OPRM1: variants seen among roughly 807,000 people sequenced by gnomAD.
The protein encoded by OPRM1 is mu-type opioid receptor.
A neutral mutation model predicts 31.8 loss-of-function variants in OPRM1; 27 were observed. The ratio of observed to expected loss-of-function variants is 0.85; its 90% CI spans 0.63 to 1.17. OPRM1 has a LOEUF of 1.17. OPRM1 is among the 50% of genes most tolerant of loss of function. The pLI is 0.00. For missense variants in OPRM1, 536 were observed against 511.1 expected (o/e 1.05, Z -0.47); for synonymous variants, 196 against 189.9 (o/e 1.03, Z -0.26).
intron 1 of OPRM1, among the ~76,000 whole-genome samples, chr6:154,085,282 C>T (rs1790259823): frequency 6.6e-6 from 1 of 152,140 alleles, no homozygotes; most frequent in African/African-American, 2.4e-5. Flanking sequence ...AGGTGAGCTG[C>T]CAGCAAATGG....
chr6:154,073,502 C>A (rs1787229123), intron 1 of OPRM1: 1 of 152,188 alleles, frequency 6.6e-6, no homozygotes, highest in Admixed American at 6.5e-5. Flanking sequence ...CTAATTCTAA[C>A]CTTTATCCCC....
chr6:154,189,326 A>G (rs1222359965), intron 3 of OPRM1, among the ~76,000 whole-genome samples: 1 of 152,220 alleles, frequency 6.6e-6, no homozygotes, highest in African/African-American at 2.4e-5. Flanking sequence ...AAGCAATTTC[A>G]TCTAGTAAAG....
intron 1 of OPRM1, chr6:154,087,508 C>T: frequency 1.0e-6 from 1 of 985,472 alleles, no homozygotes; most frequent in Non-Finnish European, 1.2e-6. Flanking sequence ...CTCTCAAATC[C>T]ACATCCTCCG....
intron 3 of OPRM1, among the ~76,000 whole-genome samples, chr6:154,195,498 T>C (rs113281413): frequency 0.013 from 2,008 of 152,204 alleles, 36 homozygotes; most frequent in African/African-American, 0.044. Flanking sequence ...TGATGAGAAA[T>C]GGTCATCCAT....
chr6:154,162,727 C>A (rs1050261422), intron 3 of OPRM1, among the ~76,000 whole-genome samples: 2 of 152,094 alleles, frequency 1.3e-5, no homozygotes, highest in Non-Finnish European at 2.9e-5. Flanking sequence ...TGTTGGTAAT[C>A]ACAAGAAATC....
chr6:154,017,133 CCT>C (rs1380634466), intron 1 of OPRM1, among the ~76,000 whole-genome samples: 1 of 152,072 alleles, frequency 6.6e-6, no homozygotes, highest in African/African-American at 2.4e-5. Flanking sequence ...CTCCTCTCTC[CCT>C]CTCTCTTCCT....
intron 1 of OPRM1, among the ~76,000 whole-genome samples, chr6:154,075,921 G>A (rs1022005066): frequency 1.3e-5 from 2 of 152,124 alleles, no homozygotes; most frequent in Admixed American, 1.3e-4. Context: ...AAATGGGGAT[G>A]ATGAAATGCC....
chr6:154,041,631 A>T (rs894701182), intron 1 of OPRM1, among the ~76,000 whole-genome samples: 6 of 147,056 alleles, frequency 4.1e-5, no homozygotes, highest in African/African-American at 1.2e-4. Context: ...TAGCTAACAT[A>T]TTTTTTTTTT....
At chr6:154,088,166 T>G (rs1393380317) in intron 1 of OPRM1, among the ~76,000 whole-genome samples, 1 of 151,430 alleles carries the variant, frequency 6.6e-6, no homozygotes, top group Non-Finnish European at 1.5e-5. Flanking sequence ...TGCAACCACA[T>G]AGATGAATCT....
In OPRM1 at chr6:154,168,053, G is replaced by A; in HGVS notation, c.1164+76581G>A. ...TCGGTCCCCAAGAGGAGATAGACTAGCTTGCTCTAATGATTTGTACAGCTT... is the reference window on the plus strand; with the variant it reads ...TCGGTCCCCAAGAGGAGATAGACTAACTTGCTCTAATGATTTGTACAGCTT... On this transcript the variant is annotated intron_variant, in intron 3 of 3. Transcript: ENST00000337049. The surrounding 1 kb of genome is among the most constrained non-coding windows in gnomAD (Gnocchi z 4.1). 1 of 1,607,824 alleles carries A rather than the reference G, an allele frequency of 6.2e-7. No individual in the cohort carries two copies. Among genetic ancestry groups the A allele is most frequent in the Non-Finnish European group, 8.5e-7 (1 of 1,175,356 alleles).
intron 1 of OPRM1, among the ~76,000 whole-genome samples, chr6:154,081,497 C>T (rs555095193): frequency 1.3e-5 from 2 of 151,940 alleles, no homozygotes; most frequent in Non-Finnish European, 2.9e-5. Flanking sequence ...CAGAGTGAGA[C>T]TCCATCTCTA....
At chr6:154,022,869 A>T (rs1778458899) in intron 1 of OPRM1, among the ~76,000 whole-genome samples, 1 of 151,974 alleles carries the variant, frequency 6.6e-6, no homozygotes, top group African/African-American at 2.4e-5. Context: ...GTAAGTGTGT[A>T]GATTTGTTTC....
intron 3 of OPRM1, among the ~76,000 whole-genome samples, chr6:154,182,678 C>G (rs1388334910): frequency 6.6e-6 from 1 of 152,012 alleles, no homozygotes; most frequent in Non-Finnish European, 1.5e-5. Flanking sequence ...TGAATGAGAA[C>G]AAAATGGTAG....
chr6:154,084,797 A>G (rs776646228), intron 1 of OPRM1, among the ~76,000 whole-genome samples: 7 of 152,180 alleles, frequency 4.6e-5, no homozygotes, highest in Non-Finnish European at 7.3e-5. Context: ...GGTAAAAAAA[A>G]TGAAAAGGCA....
At chr6:154,246,600 G>C (rs1347513972) in intron 3 of OPRM1, 2 of 1,612,452 alleles carry the variant, frequency 1.2e-6, no homozygotes, top group Non-Finnish European at 1.7e-6. Context: ...CCATTTGATT[G>C]CTATACCAGT....
chr6:154,193,723 A>G (rs957901103), intron 3 of OPRM1, among the ~76,000 whole-genome samples: 1 of 152,206 alleles, frequency 6.6e-6, no homozygotes, highest in African/African-American at 2.4e-5. Flanking sequence ...CAAAACAAAC[A>G]CTTCGGCCTT....
intron 3 of OPRM1, among the ~76,000 whole-genome samples, chr6:154,229,708 T>C (rs1779574925): frequency 6.6e-6 from 1 of 152,118 alleles, no homozygotes; most frequent in Non-Finnish European, 1.5e-5. Context: ...AACTGAGCAA[T>C]TCTACTCCTA....
rs117296063 is a variant in OPRM1 at position 154,069,719 on chromosome 6, G to C, written c.291-20107G>C. On this transcript the variant is annotated intron_variant, in intron 1 of 3. Coordinates refer to ENST00000330432, the MANE Select transcript of OPRM1 (RefSeq NM_000914.5). ...AGGGTCTCATTTTATTCTGCTGCAC[G>C]TGGAAATCCAGTTTTCCCAACATTA... Among the ~76,000 whole-genome samples, 217 of 152,202 alleles carry C rather than the reference G, an allele frequency of 1.4e-3. 1 individual carries two copies. Among genetic ancestry groups the C allele is most frequent in the Middle Eastern group, 3.4e-3 (1 of 294 alleles).
In OPRM1 at chr6:154,120,859, T is replaced by C. The variant is rs1190412543; in HGVS notation, c.*2138T>C. On this transcript the variant is annotated 3_prime_UTR_variant, in exon 4 of 4. Transcript: ENST00000330432. Reference sequence around the variant, plus strand: ...CCTGATCTATCTTTTTCCACAAATGTCATGTGTGTGAACAAGTTTCTTCCA... The same window carrying C: ...CCTGATCTATCTTTTTCCACAAATGCCATGTGTGTGAACAAGTTTCTTCCA... 6.6e-6 allele frequency among the ~76,000 whole-genome samples: 1 copy of C among 152,198 alleles called. No homozygotes were observed. The highest frequency in any genetic ancestry group is 1.5e-5 in the Non-Finnish European group (1 of 68,020).
Sources: gnomAD v4.1 joint callset for allele counts (sites outside exome capture counted in the v4.1 genomes callset) on GRCh38, gnomAD v4.1.1 for gene constraint, Gnocchi (gnomAD v3.1) non-coding constraint, MANE v1.5 for transcripts, NCBI Gene and HGNC (gene_info 2026-07-23, HGNC 2026-07-21) for gene names.